AGBL1: variants seen among roughly 807,000 people sequenced by gnomAD.
AGBL1 encodes cytosolic carboxypeptidase 4.
A neutral mutation model predicts 118.9 loss-of-function variants in AGBL1; 130 were observed. That is an observed-to-expected ratio of 1.09 (90% CI 0.95 to 1.26). The LOEUF is 1.26. AGBL1 is among the 50% of genes most tolerant of loss of function. AGBL1 has a pLI of 0.00. For missense variants in AGBL1, 1,584 were observed against 1,298.1 expected, an observed-to-expected ratio of 1.22 and a Z score of -3.38; for synonymous variants, 555 against 478.9, an observed-to-expected ratio of 1.16 and a Z score of -2.08.
intron 23 of AGBL1, among the ~76,000 whole-genome samples, chr15:86,923,400 A>G (rs919336927): frequency 1.7e-4 from 26 of 151,918 alleles, no homozygotes; most frequent in Admixed American, 8.5e-4. Flanking sequence ...CCTATTCCCC[A>G]TCTCCTAAGT....
intron 22 of AGBL1, among the ~76,000 whole-genome samples, chr15:86,779,960 C>T (rs1596474177): frequency 6.6e-6 from 1 of 151,696 alleles, no homozygotes; most frequent in African/African-American, 2.4e-5. Flanking sequence ...CTTTTCACTC[C>T]CTTGTCAGTA....
intron 18 of AGBL1, among the ~76,000 whole-genome samples, chr15:86,513,148 C>G (rs1437032284): frequency 6.6e-6 from 1 of 151,900 alleles, no homozygotes; most frequent in South Asian, 2.1e-4. Flanking sequence ...TCAGATTTCA[C>G]CAATCATTCC....
At chr15:86,169,390 G>T (rs746749361) in intron 5 of AGBL1, among the ~76,000 whole-genome samples, 13 of 152,184 alleles carry the variant, frequency 8.5e-5, no homozygotes, top group Non-Finnish European at 1.3e-4. Context: ...GTAGTACTTG[G>T]TTCTGAAAGA....
intron 18 of AGBL1, among the ~76,000 whole-genome samples, chr15:86,401,504 T>G (rs554147060): frequency 6.6e-6 from 1 of 152,298 alleles, no homozygotes; most frequent in South Asian, 2.1e-4. Flanking sequence ...TTTTGGATTC[T>G]TAGTCCTGAA....
intron 18 of AGBL1, among the ~76,000 whole-genome samples, chr15:86,429,246 T>G (rs2142035924): frequency 6.6e-6 from 1 of 152,254 alleles, no homozygotes; most frequent in Admixed American, 6.5e-5. Context: ...TCAGAACTGG[T>G]TTAAAACATG....
At chr15:86,832,110 A>G (rs896056703) in intron 22 of AGBL1, among the ~76,000 whole-genome samples, 1 of 152,204 alleles carries the variant, frequency 6.6e-6, no homozygotes, top group South Asian at 2.1e-4. Flanking sequence ...ACTAAGTCCG[A>G]GACTGCACAA....
At chr15:86,975,509 C>G (rs868793082) in intron 23 of AGBL1, among the ~76,000 whole-genome samples, 2 of 152,182 alleles carry the variant, frequency 1.3e-5, no homozygotes, top group South Asian at 4.2e-4. Context: ...GGTAGGGACA[C>G]AGTCAAGCCA....
chr15:86,445,996 G>C (rs1254218064), intron 18 of AGBL1, among the ~76,000 whole-genome samples: 2 of 152,174 alleles, frequency 1.3e-5, no homozygotes, highest in African/African-American at 4.8e-5. Context: ...ACTTGAGATG[G>C]AGAGAGAGGG....
chr15:86,830,714 T>G (rs1288713296), intron 22 of AGBL1, among the ~76,000 whole-genome samples: 1 of 152,208 alleles, frequency 6.6e-6, no homozygotes, highest in Non-Finnish European at 1.5e-5. Flanking sequence ...CCAATTATTC[T>G]GAACGTCTTT....
In AGBL1 at chr15:86,254,583, A is replaced by C. The variant is rs2078865859; in HGVS notation, c.736-2270A>C. Among the ~76,000 whole-genome samples, 5 of 152,226 alleles carry C rather than the reference A, an allele frequency of 3.3e-5. 1 individual carries two copies. The highest frequency in any genetic ancestry group is 3.3e-4 in the Admixed American group (5 of 15,286). ...TCATATTTCATCATCCCTTCCAAGT[A>C]GCAGATGTGTTATTGAGAGTGATGG... On this transcript the variant is annotated intron_variant, in intron 7 of 22. Coordinates refer to ENST00000614907, the MANE Select transcript of AGBL1 (RefSeq NM_001386094.1).
intron 22 of AGBL1, among the ~76,000 whole-genome samples, chr15:86,805,501 G>A (rs1209265251): frequency 6.6e-6 from 1 of 152,144 alleles, no homozygotes; most frequent in East Asian, 1.9e-4. Context: ...TAATAAAAAT[G>A]TGTAGGGCTC....
intron 23 of AGBL1, among the ~76,000 whole-genome samples, chr15:86,972,776 T>C (rs2081123018): frequency 6.6e-6 from 1 of 152,094 alleles, no homozygotes; most frequent in African/African-American, 2.4e-5. Context: ...TTCTCTTTCA[T>C]TGTATGCTAA....
At chr15:86,862,172 C>T (rs985196766) in intron 22 of AGBL1, among the ~76,000 whole-genome samples, 5 of 152,138 alleles carry the variant, frequency 3.3e-5, no homozygotes, top group African/African-American at 7.2e-5. Context: ...ATAGTCTCTA[C>T]GCAGAGTAAC....
chr15:86,597,489 C>T (rs947848191), intron 21 of AGBL1, among the ~76,000 whole-genome samples: 1 of 152,104 alleles, frequency 6.6e-6, no homozygotes, highest in Non-Finnish European at 1.5e-5. Context: ...TTCATCACCC[C>T]TAACCCCAGT....
rs78540379 is a variant in AGBL1 at position 86,602,999 on chromosome 15, A to G, written c.2994+48462A>G. Among the ~76,000 whole-genome samples, 1,266 of 152,202 alleles carry G rather than the reference A, an allele frequency of 8.3e-3. 12 individuals are homozygous for G. Among genetic ancestry groups the G allele is most frequent in the African/African-American group, 0.028 (1,183 of 41,530 alleles). ...TTGTTGGGTGTAGACTTGACTTGCAATTGTAGATGAAGCCCCATGCCAAAT... is the reference window on the plus strand; with the variant it reads ...TTGTTGGGTGTAGACTTGACTTGCAGTTGTAGATGAAGCCCCATGCCAAAT... On this transcript the variant is annotated intron_variant, in intron 21 of 22. Coordinates refer to ENST00000614907, the MANE Select transcript of AGBL1 (RefSeq NM_001386094.1).
chr15:86,795,302 T>C (rs2078553610), intron 22 of AGBL1, among the ~76,000 whole-genome samples: 1 of 152,156 alleles, frequency 6.6e-6, no homozygotes, highest in Non-Finnish European at 1.5e-5. Context: ...GGAGCCCTGT[T>C]GTGATATCTG....
chr15:86,079,646 G>T (rs568171528), upstream of AGBL1: 4 of 221,754 alleles, frequency 1.8e-5, no homozygotes, highest in East Asian at 3.5e-4. Flanking sequence ...CAGCCATCCA[G>T]GGTGGCTTCT....
intron 5 of AGBL1, among the ~76,000 whole-genome samples, chr15:86,216,548 A>T (rs556948726): frequency 1.2e-4 from 18 of 152,280 alleles, no homozygotes; most frequent in African/African-American, 3.8e-4. Flanking sequence ...TTCTGTTATT[A>T]TGGTGGGTTA....
chr15:86,313,853 C>T (rs1426485631), intron 17 of AGBL1, among the ~76,000 whole-genome samples: 1 of 152,112 alleles, frequency 6.6e-6, no homozygotes, highest in Admixed American at 6.5e-5. Context: ...CAGAGCTGGT[C>T]AGAAGAGCTA....
Sources: allele counts gnomAD v4.1 joint callset (sites outside exome capture counted in the v4.1 genomes callset), GRCh38; gene constraint gnomAD v4.1.1; transcripts MANE v1.5; gene names NCBI Gene and HGNC (gene_info 2026-07-23, HGNC 2026-07-21).